Variants in HSF2BP observed in about 807,000 individuals in gnomAD.
The protein encoded by HSF2BP is heat shock factor 2-binding protein.
Under a neutral mutation model 35.0 loss-of-function variants are expected in HSF2BP, and 35 were observed. The observed-to-expected ratio is 1.00, with a 90% CI of 0.76 to 1.32. The LOEUF is 1.32. Ranked by LOEUF, HSF2BP falls within the 40% of genes most tolerant of loss-of-function variation. The probability of loss-of-function intolerance (pLI) is 0.00; values close to 1 mark genes in which losing one functional copy is unlikely to be tolerated. For synonymous variants in HSF2BP, 114 were observed against 117.4 expected (o/e 0.97, Z 0.18); for missense variants, 326 against 321.7 (o/e 1.01, Z -0.10).
At chr21:43,640,366 G>A (rs1255456717) in intron 4 of HSF2BP, among the ~76,000 whole-genome samples, 1 of 152,228 alleles carries the variant, frequency 6.6e-6, no homozygotes, top group South Asian at 2.1e-4. Flanking sequence ...CAAAATTAGA[G>A]ATGGAAAATG....
chr21:43,652,308 CAGG>C (rs1275280412), intron 3 of HSF2BP, among the ~76,000 whole-genome samples: 1 of 148,854 alleles, frequency 6.7e-6, no homozygotes, highest in Non-Finnish European at 1.5e-5. Context: ...GAGGCTGAGG[CAGG>C]AGAATAGCTT....
chr21:43,617,568 G>A (rs183503863), intron 6 of HSF2BP, among the ~76,000 whole-genome samples: 88 of 151,304 alleles, frequency 5.8e-4, no homozygotes, highest in African/African-American at 2.1e-3. Context: ...AAAACTGCCA[G>A]TTAATTTTTC....
chr21:43,641,947 G>A (rs2082642333), intron 4 of HSF2BP, among the ~76,000 whole-genome samples: 1 of 148,224 alleles, frequency 6.7e-6, no homozygotes, highest in Admixed American at 6.8e-5. Context: ...CTTACTAGCA[G>A]TAATCTAATT....
At chr21:43,632,068 CCACATACACACGCT>C (rs2082472489) in intron 5 of HSF2BP, among the ~76,000 whole-genome samples, 8 of 17,632 alleles carry the variant, frequency 4.5e-4, no homozygotes, top group African/African-American at 2.6e-3. Context: ...ACACACGCTC[CCACATACACACGCT>C]CCCACACACA....
Position 43,659,486 on chromosome 21 carries a change from C to T in HSF2BP, c.-325G>A. The stretch of plus-strand genomic sequence containing the variant: ...GCCAGCTGCCAGGGCCACTGCCGCG[C>T]TCACTCCCAGAGCGCGCTGCGAGCC... On this transcript the variant is annotated 5_prime_UTR_variant, in exon 1 of 9. Coordinates refer to ENST00000291560, the MANE Select transcript of HSF2BP (RefSeq NM_007031.2). The surrounding 1 kb of genome is among the most constrained non-coding windows in gnomAD (Gnocchi z 4.2). The T allele has an allele frequency of 1.9e-6, 1 of 513,212 alleles. No homozygotes were observed. Among genetic ancestry groups the T allele is most frequent in the Non-Finnish European group, 2.7e-6 (1 of 366,344 alleles). The allele number at this position is 513,212 out of a possible 1,614,324, so 31.8% of individuals were successfully genotyped here.
chr21:43,644,561 C>T (rs1381035283), intron 3 of HSF2BP, among the ~76,000 whole-genome samples, 169 bp from the exon 4 acceptor site: 1 of 152,158 alleles, frequency 6.6e-6, no homozygotes, highest in Non-Finnish European at 1.5e-5. Context: ...TTCTAACAGT[C>T]CTGTTCTCTA....
In HSF2BP at chr21:43,592,218, C is replaced by G. The variant is rs774146888; in HGVS notation, c.796+7G>C. ...CAAGCAGCTGGACAGATAACCACCCCCCTTACCACTCAAAAGCCACCACAG... is the reference window on the plus strand; with the variant it reads ...CAAGCAGCTGGACAGATAACCACCCGCCTTACCACTCAAAAGCCACCACAG... On this transcript the variant is annotated splice_region_variant and intron_variant, in intron 8 of 8. Transcript: ENST00000291560. 6.3e-7 allele frequency: 1 copy of G among 1,594,590 alleles called. No homozygotes were observed. The highest frequency in any genetic ancestry group is 8.6e-7 in the Non-Finnish European group (1 of 1,162,328).
intron 3 of HSF2BP, among the ~76,000 whole-genome samples, chr21:43,653,286 G>C (rs1191791216): frequency 6.6e-6 from 1 of 151,380 alleles, no homozygotes; most frequent in Admixed American, 6.6e-5. Flanking sequence ...AAGGAAGAGA[G>C]AGAGAGAAAG....
intron 6 of HSF2BP, among the ~76,000 whole-genome samples, chr21:43,628,349 C>G (rs2082414060): frequency 6.6e-6 from 1 of 152,208 alleles, no homozygotes; most frequent in South Asian, 2.1e-4. Flanking sequence ...GCAAAACAGC[C>G]TTATTGCTGA....
At chr21:43,607,547 T>C (rs2082150483) in intron 7 of HSF2BP, among the ~76,000 whole-genome samples, 1 of 152,226 alleles carries the variant, frequency 6.6e-6, no homozygotes, top group Non-Finnish European at 1.5e-5. Flanking sequence ...TTCAATGCTA[T>C]TGCTATTAAA....
At chr21:43,467,927 CACA>C in the HSF2BP span, among the ~76,000 whole-genome samples, 1 of 124,194 alleles carries the variant, frequency 8.1e-6, no homozygotes, top group African/African-American at 3.2e-5. Flanking sequence ...ACACACACCA[CACA>C]CCACACACAC....
the HSF2BP span, among the ~76,000 whole-genome samples, chr21:43,468,018 TACAC>T: frequency 2.1e-5 from 1 of 48,456 alleles, no homozygotes; most frequent in Non-Finnish European, 4.0e-5. Flanking sequence ...CCACAAACCA[TACAC>T]ACAGCACACA....
chr21:43,658,912 G>A (rs1452454215), intron 1 of HSF2BP, among the ~76,000 whole-genome samples: 1 of 152,200 alleles, frequency 6.6e-6, no homozygotes, highest in Non-Finnish European at 1.5e-5. Flanking sequence ...AACTCCACCC[G>A]GGGGCCCGGG....
At chr21:43,613,715 TTCTAG>T in intron 7 of HSF2BP, 110 bp downstream of exon 7, 1 of 745,574 alleles carries the variant, frequency 1.3e-6, no homozygotes, top group South Asian at 1.6e-5. Flanking sequence ...AATTTATTTC[TTCTAG>T]TTTTTAAAAC....
At chr21:43,618,541 T>C (rs1343277182) in intron 6 of HSF2BP, among the ~76,000 whole-genome samples, 1 of 152,034 alleles carries the variant, frequency 6.6e-6, no homozygotes, top group Non-Finnish European at 1.5e-5. Context: ...GAACAAATGG[T>C]GCTAAAACAA....
chr21:43,633,262 C>T lies in HSF2BP; in HGVS notation c.441+10G>A. 1 of 1,608,810 alleles carries T rather than the reference C, an allele frequency of 6.2e-7. No individual in the cohort carries two copies. Among genetic ancestry groups the T allele is most frequent in the South Asian group, 1.1e-5 (1 of 89,678 alleles). ...CAACAATATCTGGAGAGCCCACTGA[C>T]CATACTTACTCCTCCCAAAATGGCC... On this transcript the variant is annotated intron_variant, in intron 5 of 8. Transcript: ENST00000291560.
intron 5 of HSF2BP, among the ~76,000 whole-genome samples, chr21:43,631,121 TG>T (rs1188852900): frequency 6.6e-6 from 1 of 152,208 alleles, no homozygotes; most frequent in Non-Finnish European, 1.5e-5. Context: ...ACCACTAAAT[TG>T]TACATTTACA....
At chr21:43,630,035 A>G (rs1466498018) in intron 6 of HSF2BP, among the ~76,000 whole-genome samples, 7 of 152,248 alleles carry the variant, frequency 4.6e-5, no homozygotes, top group Admixed American at 4.6e-4. Flanking sequence ...GTTAGCAGTC[A>G]TCAATATCAC....
At chr21:43,647,055 C>T (rs2082717866) in intron 3 of HSF2BP, among the ~76,000 whole-genome samples, 1 of 152,178 alleles carries the variant, frequency 6.6e-6, no homozygotes, top group Non-Finnish European at 1.5e-5. Context: ...TTTATACATT[C>T]CTTCTGCTAA....
Sources: allele counts gnomAD v4.1 joint callset (sites outside exome capture counted in the v4.1 genomes callset), GRCh38; gene constraint gnomAD v4.1.1; non-coding constraint Gnocchi (gnomAD v3.1); transcripts MANE v1.5; gene names NCBI Gene and HGNC (gene_info 2026-07-23, HGNC 2026-07-21).